NEDD9: variants seen among roughly 807,000 people sequenced by gnomAD.
NEDD9 encodes the protein neural precursor cell expressed, developmentally down-regulated 9.
NEDD9 carries 26 observed loss-of-function variants against 76.6 expected under a neutral mutation model. The ratio of observed to expected loss-of-function variants is 0.34; its 90% confidence interval spans 0.25 to 0.47. NEDD9 has a LOEUF of 0.47. Among genes scored for constraint, NEDD9 ranks in the 20% least tolerant of loss-of-function variants. NEDD9 has a pLI of 1.00. For synonymous variants in NEDD9, 392 were observed against 414.2 expected, an observed-to-expected ratio of 0.95 and a Z score of 0.65; for missense variants, 937 against 1,058.5, an observed-to-expected ratio of 0.89 and a Z score of 1.59.
chr6:11,348,322 A>G (rs1389450698), intron 1 of NEDD9, among the ~76,000 whole-genome samples: 1 of 152,250 alleles, frequency 6.6e-6, no homozygotes, highest in East Asian at 1.9e-4. Flanking sequence ...TCATAGATAG[A>G]AAGAATCAAC....
At chr6:11,301,898 A>C (rs1000075214) in intron 3 of NEDD9, among the ~76,000 whole-genome samples, 43 of 152,286 alleles carry the variant, frequency 2.8e-4, no homozygotes, top group Non-Finnish European at 4.9e-4. Flanking sequence ...CACTAAATGC[A>C]TACAAGAGAA....
chr6:11,192,794 G>T (rs139742928), intron 3 of NEDD9, among the ~76,000 whole-genome samples: 3,438 of 151,504 alleles, frequency 0.023, 54 homozygotes, highest in Non-Finnish European at 0.035. Context: ...TTAGCTGGGT[G>T]TGGTGGTGCA....
intron 3 of NEDD9, chr6:11,305,277 G>T: frequency 1.9e-6 from 1 of 526,772 alleles, no homozygotes; most frequent in Non-Finnish European, 3.0e-6. Context: ...CAATCTTCCT[G>T]TCACCATTTT....
At position 11,213,703 on chromosome 6, in the gene NEDD9, C is replaced by T. The variant is rs1397364750; in HGVS notation, c.37G>A (p.Asp13Asn). ...TCCTCGGCACACTCTGGGACATTGT[C>T]ATATAAGGCCCTTGCCATAAGATTC... is the stretch of plus-strand genomic sequence containing the variant. ...YKNLMARALY[D>N]NVPECAEELA... is the part of the protein sequence containing the mutation. Residue 13 changes from aspartate (D) to asparagine (N), a missense_variant, in exon 2 of 7, where the codon GAC becomes AAC. Coordinates refer to ENST00000379446, the MANE Select transcript of NEDD9 (RefSeq NM_006403.4). This position sits in a 1 kb window ranked among gnomAD's most constrained non-coding sequence, Gnocchi z 5.4. 4.3e-6 allele frequency: 7 copies of T among 1,613,890 alleles called. No individual in the cohort carries two copies. Among genetic ancestry groups the T allele is most frequent in the Non-Finnish European group, 5.9e-6 (7 of 1,179,988 alleles).
At position 11,341,007 on chromosome 6, in the gene NEDD9, G is replaced by A. The variant is rs534224681; in HGVS notation, c.-213-6446C>T. The stretch of plus-strand genomic sequence containing the variant: ...CTCCCTACCGTTCTAAGTCAGGCAG[G>A]CATGCTTCTGCCTCCCACCCTTTCC... On this transcript the variant is annotated intron_variant, in intron 1 of 3. Coordinates refer to the NEDD9 transcript ENST00000397378. Among the ~76,000 whole-genome samples the A allele has an allele frequency of 3.3e-5, 5 of 152,228 alleles. No homozygotes were observed. In the South Asian group the frequency reaches 6.2e-4, roughly 19 times the overall value.
chr6:11,376,387 T>G (rs1762969258), intron 1 of NEDD9, among the ~76,000 whole-genome samples: 1 of 152,150 alleles, frequency 6.6e-6, no homozygotes, highest in Non-Finnish European at 1.5e-5. Flanking sequence ...CTGATACAGA[T>G]ATGGACAGTG....
chr6:11,232,725 C>T (rs527635306), upstream of NEDD9: 19 of 1,431,784 alleles, frequency 1.3e-5, no homozygotes, highest in African/African-American at 2.1e-4. Context: ...CATGCCGCCC[C>T]GCCATTGGCT....
At chr6:11,333,711 C>T (rs1762094957) in intron 2 of NEDD9, among the ~76,000 whole-genome samples, 1 of 152,192 alleles carries the variant, frequency 6.6e-6, no homozygotes, top group South Asian at 2.1e-4. Flanking sequence ...CAGCCTGCAG[C>T]TGTGTTTAGG....
intron 1 of NEDD9, among the ~76,000 whole-genome samples, chr6:11,341,804 T>C (rs1323614805): frequency 1.3e-5 from 2 of 152,030 alleles, no homozygotes; most frequent in African/African-American, 2.4e-5. Flanking sequence ...ACAAAAACCA[T>C]ACAAGGGTAG....
intron 1 of NEDD9, among the ~76,000 whole-genome samples, chr6:11,216,184 C>T (rs1758948279): frequency 6.6e-6 from 1 of 152,184 alleles, no homozygotes; most frequent in Non-Finnish European, 1.5e-5. Context: ...TCCTCAGTGC[C>T]CATAGAGATT....
At chr6:11,261,914 C>T (rs1760123828) in intron 3 of NEDD9, among the ~76,000 whole-genome samples, 1 of 152,174 alleles carries the variant, frequency 6.6e-6, no homozygotes, top group South Asian at 2.1e-4. Context: ...TCGTCTTACC[C>T]TGAGGATGTC....
chr6:11,320,561 T>A (rs1358911636), intron 2 of NEDD9, among the ~76,000 whole-genome samples: 1 of 152,198 alleles, frequency 6.6e-6, no homozygotes, highest in Non-Finnish European at 1.5e-5. Flanking sequence ...GCACACAGAC[T>A]GGCACATGTG....
rs373159705 is a variant in NEDD9, at chr6:11,191,191, C to T, written c.678G>A (p.Pro226=). The stretch of plus-strand genomic sequence containing the variant: ...CTGCTTCATCCCGGCAAGCAGAGGG[C>T]GGAATGGCATATACCTGCAAAGCAA... ...IPPTKGVYAI[P]PSACRDEAGL... The change falls in exon 5 of 7, where the codon CCG becomes CCA. Residue 226 remains proline, a synonymous_variant. Coordinates refer to ENST00000379446, the MANE Select transcript of NEDD9 (RefSeq NM_006403.4). 77 of 1,602,566 alleles carry T rather than the reference C, an allele frequency of 4.8e-5. No individual in the cohort carries two copies. Among genetic ancestry groups the T allele is most frequent in the South Asian group, 1.0e-4 (9 of 89,492 alleles).
chr6:11,285,493 T>A (rs1018989193), intron 3 of NEDD9, among the ~76,000 whole-genome samples: 5 of 152,158 alleles, frequency 3.3e-5, no homozygotes, highest in African/African-American at 1.2e-4. Context: ...AACAAATCGA[T>A]TCTGAACTTC....
intron 3 of NEDD9, among the ~76,000 whole-genome samples, chr6:11,265,487 G>T (rs1224241302): frequency 6.6e-6 from 1 of 152,188 alleles, no homozygotes; most frequent in African/African-American, 2.4e-5. Context: ...TGTATGGATG[G>T]AAGCACTTTT....
intron 1 of NEDD9, among the ~76,000 whole-genome samples, chr6:11,216,493 G>A (rs12200095): frequency 0.2 from 30,191 of 152,132 alleles, 3,219 homozygotes; most frequent in African/African-American, 0.23. Context: ...AGAGAATTGC[G>A]TTCTTTCAGT....
At position 11,229,175 on chromosome 6, in the gene NEDD9, C is replaced by G. The variant is rs377467353; in HGVS notation, c.12+3329G>C. The stretch of plus-strand genomic sequence containing the variant: ...ACAGGACTCTGACTTTCAGAATGCA[C>G]CTTTCTTAATGGCATTGTAAGTTCC... On this transcript the variant is annotated intron_variant, in intron 1 of 6. Transcript: ENST00000379446. 9.2e-5 allele frequency among the ~76,000 whole-genome samples: 14 copies of G among 152,352 alleles called. 1 individual carries two copies. Among genetic ancestry groups the G allele is most frequent in the African/African-American group, 3.4e-4 (14 of 41,578 alleles).
intron 1 of NEDD9, among the ~76,000 whole-genome samples, chr6:11,223,028 G>A (rs1471929715): frequency 6.6e-6 from 1 of 152,194 alleles, no homozygotes; most frequent in Non-Finnish European, 1.5e-5. Context: ...GTGTGCATGT[G>A]CACATGCATG....
chr6:11,295,280 T>C (rs1409920321), intron 3 of NEDD9, among the ~76,000 whole-genome samples: 3 of 152,240 alleles, frequency 2.0e-5, no homozygotes, highest in Non-Finnish European at 2.9e-5. Flanking sequence ...TTATGTTTTA[T>C]TGTTATTATT....
Sources: gnomAD v4.1 joint callset for allele counts (sites outside exome capture counted in the v4.1 genomes callset) on GRCh38, gnomAD v4.1.1 for gene constraint, Gnocchi (gnomAD v3.1) non-coding constraint, MANE v1.5 for transcripts, NCBI Gene and HGNC (gene_info 2026-07-23, HGNC 2026-07-21) for gene names.